The following CCDC148 variants were observed in gnomAD, a reference collection of about 807,000 sequenced individuals.
CCDC148 encodes coiled-coil domain containing 148.
Under a neutral mutation model 85.7 loss-of-function variants are expected in CCDC148, and 89 were observed. The ratio of observed to expected loss-of-function variants is 1.04; its 90% confidence interval spans 0.87 to 1.24. CCDC148 has a LOEUF of 1.24. Among genes scored for constraint, CCDC148 ranks in the 50% most tolerant of loss-of-function variants. The probability of loss-of-function intolerance (pLI) is 0.00; values close to 1 mark genes in which losing one functional copy is unlikely to be tolerated. For missense variants in CCDC148, 692 were observed against 671.7 expected (o/e 1.03, Z -0.33); for synonymous variants, 230 against 213.9 (o/e 1.08, Z -0.66).
intron 11 of CCDC148, among the ~76,000 whole-genome samples, chr2:158,212,897 A>T (rs1023808392): frequency 6.6e-6 from 1 of 152,186 alleles, no homozygotes; most frequent in African/African-American, 2.4e-5. Flanking sequence ...AATTATGGGC[A>T]TTTCTACAAA....
intron 10 of CCDC148, 57 bp from the exon 11 acceptor site, chr2:158,220,770 G>T (rs1687138622): frequency 5.2e-6 from 7 of 1,344,838 alleles, no homozygotes; most frequent in Admixed American, 2.4e-5. Context: ...AAAAATGAGG[G>T]AAAAGCCATA....
intron 11 of CCDC148, among the ~76,000 whole-genome samples, chr2:158,206,993 T>C (rs1403762948): frequency 6.6e-6 from 1 of 152,204 alleles, no homozygotes; most frequent in Non-Finnish European, 1.5e-5. Context: ...GTCCTTAACA[T>C]GGTATAATAC....
At chr2:158,194,152 A>G (rs1436495604) in intron 11 of CCDC148, among the ~76,000 whole-genome samples, 5 of 152,270 alleles carry the variant, frequency 3.3e-5, no homozygotes, top group Admixed American at 1.3e-4. Flanking sequence ...TTCTGATTAA[A>G]TGAGGAAGGG....
intron 1 of CCDC148, among the ~76,000 whole-genome samples, chr2:158,360,353 C>T (rs1252603820): frequency 6.6e-6 from 1 of 152,184 alleles, no homozygotes; most frequent in East Asian, 1.9e-4. Flanking sequence ...AACTGGGTCA[C>T]TGACCCCCAT....
chr2:158,447,261 T>C (rs1047126119), intron 1 of CCDC148: 3 of 152,240 alleles, frequency 2.0e-5, no homozygotes, highest in Non-Finnish European at 2.9e-5. Context: ...TGACCTGCCC[T>C]GTTTCCAACC....
At chr2:158,234,049 G>A (rs1687981884) in intron 10 of CCDC148, among the ~76,000 whole-genome samples, 1 of 151,994 alleles carries the variant, frequency 6.6e-6, no homozygotes, top group African/African-American at 2.4e-5. Context: ...GGTGGTGTGT[G>A]CCTAATATCC....
At chr2:158,213,182 T>C (rs1386540252) in intron 11 of CCDC148, among the ~76,000 whole-genome samples, 1 of 152,226 alleles carries the variant, frequency 6.6e-6, no homozygotes, top group Non-Finnish European at 1.5e-5. Context: ...GAGCATTGAC[T>C]GATAAAGTTC....
intron 1 of CCDC148, among the ~76,000 whole-genome samples, chr2:158,450,965 C>G (rs1357078503): frequency 6.6e-6 from 1 of 152,072 alleles, no homozygotes; most frequent in Non-Finnish European, 1.5e-5. Context: ...CCCACAAGTC[C>G]CAGCAGCTTT....
intron 8 of CCDC148, 32 bp downstream of exon 8, chr2:158,313,724 C>T (rs1161101904): frequency 1.9e-6 from 3 of 1,573,226 alleles, no homozygotes; most frequent in East Asian, 4.5e-5. Flanking sequence ...AACAATTTAA[C>T]TTGCCAGTAT....
chr2:158,354,220 T>C (rs1486559036), intron 2 of CCDC148, among the ~76,000 whole-genome samples: 22 of 151,414 alleles, frequency 1.5e-4, no homozygotes, highest in Admixed American at 3.9e-4. Context: ...CAAGAAATAA[T>C]GAAAATCAGA....
intron 10 of CCDC148, among the ~76,000 whole-genome samples, chr2:158,226,401 T>C (rs1687527760): frequency 6.6e-6 from 1 of 152,192 alleles, no homozygotes; most frequent in Non-Finnish European, 1.5e-5. Context: ...TACCATTCTT[T>C]CTGAAACTAT....
intron 10 of CCDC148, among the ~76,000 whole-genome samples, chr2:158,243,276 G>A (rs953511571): frequency 6.6e-6 from 1 of 151,988 alleles, no homozygotes; most frequent in Non-Finnish European, 1.5e-5. Context: ...AGGGTCATTC[G>A]TCCTTCTTCT....
At chr2:158,378,285 C>G (rs905849816) in intron 1 of CCDC148, among the ~76,000 whole-genome samples, 3 of 152,118 alleles carry the variant, frequency 2.0e-5, no homozygotes, top group African/African-American at 7.2e-5. Flanking sequence ...AACCCTAATT[C>G]AGAGCAAGGC....
At chr2:158,424,748 G>C (rs1322279149) in intron 1 of CCDC148, 1 of 213,234 alleles carries the variant, frequency 4.7e-6, no homozygotes, top group Non-Finnish European at 9.5e-6. Context: ...CCCCCAAAAA[G>C]GGTTTTGTGG....
chr2:158,437,051 A>T (rs1038580274), intron 1 of CCDC148, among the ~76,000 whole-genome samples: 19 of 152,350 alleles, frequency 1.2e-4, no homozygotes, highest in Admixed American at 5.2e-4. Flanking sequence ...CAGAGGTAGA[A>T]TGAGGAGCTG....
At chr2:158,319,723 A>G (rs1284155866) in intron 7 of CCDC148, among the ~76,000 whole-genome samples, 1 of 152,220 alleles carries the variant, frequency 6.6e-6, no homozygotes, top group Admixed American at 6.5e-5. Flanking sequence ...TTTTAAACAT[A>G]GCATCTTAAT....
At position 158,358,497 on chromosome 2, in the gene CCDC148, A is replaced by G. The variant is rs1432583096; in HGVS notation, c.99T>C (p.Arg33=). ...KYKPVDYQQL[R]ALTEAKKLAS... The stretch of plus-strand genomic sequence containing the variant: ...CCAATTTCTTTGCTTCAGTTAATGC[A>G]CGCAATTGTTGATAGTCTACTGGTT... The change falls in exon 2 of 14, where the codon CGT becomes CGC. Residue 33 remains arginine (R), a synonymous_variant. Coordinates refer to ENST00000283233, the MANE Select transcript of CCDC148 (RefSeq NM_138803.4). 6.2e-7 allele frequency: 1 copy of G among 1,608,750 alleles called. No homozygotes were observed. The highest frequency in any genetic ancestry group is 8.5e-7 in the Non-Finnish European group (1 of 1,178,432).
At chr2:158,279,440 T>G (rs1413172544) in intron 9 of CCDC148, among the ~76,000 whole-genome samples, 2 of 152,184 alleles carry the variant, frequency 1.3e-5, no homozygotes, top group African/African-American at 2.4e-5. Context: ...AAGGAGCTGA[T>G]GGAGCTGAAA....
chr2:158,287,881 C>T (rs931360150), intron 9 of CCDC148, among the ~76,000 whole-genome samples: 6 of 152,214 alleles, frequency 3.9e-5, no homozygotes, highest in African/African-American at 7.2e-5. Flanking sequence ...ACTGCCTTAG[C>T]AGAGGTTCTC....
Sources: gnomAD v4.1 joint callset for allele counts (sites outside exome capture counted in the v4.1 genomes callset) on GRCh38, gnomAD v4.1.1 for gene constraint, MANE v1.5 for transcripts, NCBI Gene and HGNC (gene_info 2026-07-23, HGNC 2026-07-21) for gene names.